The following BARD1 variants were observed in gnomAD, a reference collection of about 807,000 sequenced individuals.
BARD1 encodes the protein BRCA1-associated RING domain protein 1.
BARD1 carries 73 observed loss-of-function variants against 77.0 expected under a neutral mutation model. The observed-to-expected ratio is 0.95, with a 90% CI of 0.79 to 1.15. BARD1 has a LOEUF of 1.15. BARD1 is among the 50% of genes most tolerant of loss of function. BARD1 has a pLI of 0.00. For missense variants in BARD1, 993 were observed against 938.8 expected, an observed-to-expected ratio of 1.06 and a Z score of -0.75; for synonymous variants, 384 against 338.0, an observed-to-expected ratio of 1.14 and a Z score of -1.49.
chr2:214,791,316 C>A (rs751401318), intron 3 of BARD1, among the ~76,000 whole-genome samples: 6 of 152,128 alleles, frequency 3.9e-5, no homozygotes, highest in African/African-American at 9.7e-5. Context: ...TTTGTATAAT[C>A]AACTTCATCT....
intron 7 of BARD1, among the ~76,000 whole-genome samples, 193 bp downstream of exon 7, chr2:214,752,254 G>A (rs1693488347): frequency 6.6e-6 from 1 of 152,006 alleles, no homozygotes; most frequent in Non-Finnish European, 1.5e-5. Flanking sequence ...ATACAGAGTG[G>A]GCTCAATAAG....
In BARD1 at chr2:214,739,432, A is replaced by G. The variant is rs1418438945; in HGVS notation, c.1903+5635T>C. Among the ~76,000 whole-genome samples, 3 of 152,190 alleles carry G rather than the reference A, an allele frequency of 2.0e-5. No homozygotes were observed. In the South Asian group the frequency reaches 6.2e-4, roughly 31 times the overall value. On this transcript the variant is annotated intron_variant, in intron 9 of 10. Transcript: ENST00000260947. ...TTGATTCTATTAAAAATCAACACCC[A>G]GATTGTAAAAGCAAAACAAGTGTTT...
At chr2:214,771,924 GAAAA>G (rs10602414) in intron 4 of BARD1, among the ~76,000 whole-genome samples, 2,603 of 107,136 alleles carry the variant, frequency 0.024, 29 homozygotes, top group Middle Eastern at 0.044. Flanking sequence ...CCAGTTTCAG[GAAAA>G]AAAAAAAAAA....
intron 4 of BARD1, among the ~76,000 whole-genome samples, chr2:214,776,048 T>A (rs1351941901): frequency 6.6e-6 from 1 of 152,232 alleles, no homozygotes; most frequent in Admixed American, 6.5e-5. Flanking sequence ...CTTTGTTATG[T>A]TCTAAGCATA....
chr2:214,804,914 G>C lies in BARD1; in HGVS notation c.158+4498C>G, dbSNP rs542999628. 9.2e-5 allele frequency among the ~76,000 whole-genome samples: 14 copies of C among 152,244 alleles called. No homozygotes were observed. The East Asian group carries it at 2.7e-3, about 29-fold the overall frequency. On this transcript the variant is annotated intron_variant, in intron 1 of 10. Transcript: ENST00000260947. ...GTGGTGGCTCACGCCTGTAATCCTA[G>C]CACTTTAGGAGGCCAAGAAGTGCGG...
At chr2:214,739,176 T>C (rs990964754) in intron 9 of BARD1, among the ~76,000 whole-genome samples, 1 of 152,022 alleles carries the variant, frequency 6.6e-6, no homozygotes, top group Non-Finnish European at 1.5e-5. Context: ...CTGGAATTAA[T>C]GGCTATTTGT....
At chr2:214,773,635 T>TA (rs1349012020) in intron 4 of BARD1, among the ~76,000 whole-genome samples, 132 of 107,366 alleles carry the variant, frequency 1.2e-3, no homozygotes, top group African/African-American at 3.5e-3. Flanking sequence ...ATTATGTTTT[T>TA]TAAAAAAAAT....
At chr2:214,802,560 A>G (rs1222968818) in intron 1 of BARD1, among the ~76,000 whole-genome samples, 1 of 151,958 alleles carries the variant, frequency 6.6e-6, no homozygotes, top group Non-Finnish European at 1.5e-5. Flanking sequence ...AAGACAAGAG[A>G]TCTTAACTTT....
chr2:214,774,714 T>C (rs543751955), intron 4 of BARD1, among the ~76,000 whole-genome samples: 2 of 152,248 alleles, frequency 1.3e-5, no homozygotes, highest in African/African-American at 2.4e-5. Context: ...TTTCTAGCTA[T>C]GAAAGACACA....
rs757802795 is a variant in BARD1 at position 214,792,273 on chromosome 2, A to G, written c.364+24T>C. On this transcript the variant is annotated intron_variant, in intron 3 of 10. Transcript: ENST00000260947. ...CAGTTTTTAACTGATGAATTTAACT[A>G]AGAGAGATAGGGATAGTTCTTACCT... 6.8e-6 allele frequency: 11 copies of G among 1,611,246 alleles called. No homozygotes were observed. In the East Asian group the frequency reaches 2.2e-4, roughly 33 times the overall value.
chr2:214,802,615 G>A (rs1298266667), intron 1 of BARD1, among the ~76,000 whole-genome samples: 1 of 152,074 alleles, frequency 6.6e-6, no homozygotes, highest in Non-Finnish European at 1.5e-5. Context: ...ACCTAGCATG[G>A]TGCTAGATTA....
intron 3 of BARD1, among the ~76,000 whole-genome samples, chr2:214,784,382 T>A (rs1695175418): frequency 6.6e-6 from 1 of 152,144 alleles, no homozygotes; most frequent in Non-Finnish European, 1.5e-5. Context: ...AAACAACAGA[T>A]GCTGGAGAGG....
At chr2:214,799,985 G>A (rs1206076783) in intron 1 of BARD1, among the ~76,000 whole-genome samples, 1 of 152,124 alleles carries the variant, frequency 6.6e-6, no homozygotes, top group African/African-American at 2.4e-5. Flanking sequence ...ACATTGATCT[G>A]CCTATTTCAG....
intron 10 of BARD1, chr2:214,730,188 G>A (rs1692287594): frequency 2.9e-5 from 16 of 552,768 alleles, no homozygotes; most frequent in Admixed American, 9.2e-5. Context: ...AAGGTTTATG[G>A]CAATGTTCAA....
At chr2:214,750,032 G>A (rs1381428445) in intron 7 of BARD1, among the ~76,000 whole-genome samples, 1 of 152,024 alleles carries the variant, frequency 6.6e-6, no homozygotes, top group Admixed American at 6.6e-5. Context: ...AGCTACCTTA[G>A]GCTACCTCCT....
intron 7 of BARD1, among the ~76,000 whole-genome samples, chr2:214,752,186 C>T (rs1311666241): frequency 2.0e-5 from 3 of 152,166 alleles, no homozygotes; most frequent in Non-Finnish European, 4.4e-5. Context: ...TGGTAAGCTC[C>T]TCCCTGAGAA....
At chr2:214,750,699 A>G (rs1693365027) in intron 7 of BARD1, among the ~76,000 whole-genome samples, 1 of 152,272 alleles carries the variant, frequency 6.6e-6, no homozygotes, top group African/African-American at 2.4e-5. Flanking sequence ...ATTTCTGACA[A>G]TAAGACACAG....
chr2:214,797,107 G>A lies in BARD1; in HGVS notation c.169C>T (p.Leu57=), dbSNP rs1559441908. Residue 57 remains leucine (L), a synonymous_variant, in exon 2 of 11, where the codon CTG becomes TTG. Transcript: ENST00000260947. ...LLRCSRCTNI[L]REPVCLGGCE... is the part of the protein sequence containing the mutation. ...CCTCCTAAACACACAGGCTCTCTCA[G>A]AATGTTAGTACTGTTTGAAGAAATT... 2 of 1,612,704 alleles carry A rather than the reference G, an allele frequency of 1.2e-6. No homozygotes were observed. Among genetic ancestry groups the A allele is most frequent in the East Asian group, 2.2e-5 (1 of 44,778 alleles).
At chr2:214,752,067 C>A (rs1693479198) in intron 7 of BARD1, among the ~76,000 whole-genome samples, 1 of 152,152 alleles carries the variant, frequency 6.6e-6, no homozygotes, top group Admixed American at 6.5e-5. Context: ...TACCTCCACC[C>A]AACGACACTC....
Sources: allele counts gnomAD v4.1 joint callset (sites outside exome capture counted in the v4.1 genomes callset), GRCh38; gene constraint gnomAD v4.1.1; transcripts MANE v1.5; gene names NCBI Gene and HGNC (gene_info 2026-07-23, HGNC 2026-07-21).